Variants in COL9A1 observed in about 807,000 individuals in gnomAD.
COL9A1 encodes the protein collagen type IX alpha 1 chain.
COL9A1 carries 104 observed loss-of-function variants against 142.6 expected under a neutral mutation model. The observed-to-expected ratio is 0.73, with a 90% confidence interval of 0.62 to 0.86. The LOEUF (loss-of-function observed/expected upper bound fraction) is 0.86. Ranked by LOEUF, COL9A1 falls within the 40% of genes least tolerant of loss-of-function variation. The probability of loss-of-function intolerance (pLI) is 0.00; values close to 1 mark genes in which losing one functional copy is unlikely to be tolerated. For missense variants in COL9A1, 1,210 were observed against 1,176.6 expected (o/e 1.03, Z -0.42); for synonymous variants, 466 against 396.0 (o/e 1.18, Z -2.10).
chr6:70,220,401 T>C (rs1027491572), intron 37 of COL9A1, among the ~76,000 whole-genome samples: 246 of 151,562 alleles, frequency 1.6e-3, no homozygotes, highest in African/African-American at 5.8e-3. Context: ...TGTGTGTGTG[T>C]GTGTGTGTGT....
Position 70,281,329 on chromosome 6 carries a change from G to A in COL9A1, c.876+61C>T, listed in dbSNP as rs1773148817. ...AAAAAAAAAACCCCACAGGAGCCCT[G>A]GGAAAAGAATAGGAAAGGGCAGGAC... On this transcript the variant is annotated intron_variant, in intron 8 of 37. Transcript: ENST00000357250. 1.1e-5 allele frequency: 16 copies of A among 1,523,762 alleles called. No homozygotes were observed. The South Asian group carries it at 1.9e-4, about 18-fold the overall frequency. 94.4% of individuals were successfully genotyped at this position (1,523,762 alleles called of 1,614,324 possible). A position where few individuals can be genotyped will look rare whatever the true frequency, so the allele number is the denominator to read the frequency against.
intron 5 of COL9A1, among the ~76,000 whole-genome samples, chr6:70,289,143 C>A (rs1773562442): frequency 2.0e-5 from 3 of 152,056 alleles, no homozygotes; most frequent in Admixed American, 6.6e-5. Flanking sequence ...GGATTAGATG[C>A]AAAGTTTCCT....
At chr6:70,239,229 T>C in intron 33 of COL9A1, 25 bp downstream of exon 33, 1 of 1,448,266 alleles carries the variant, frequency 6.9e-7, no homozygotes, top group East Asian at 2.3e-5. Flanking sequence ...AATTTTTTTA[T>C]ACCATTACTA....
Position 70,216,831 on chromosome 6 carries a change from G to A in COL9A1, c.*66C>T. 6.5e-7 allele frequency: 1 copy of A among 1,547,676 alleles called. No homozygotes were observed. Among genetic ancestry groups the A allele is most frequent in the Non-Finnish European group, 8.9e-7 (1 of 1,122,570 alleles). ...ATCATCTTTGCCCCAGCTTTGGATG[G>A]TGTTTCTCACCCAGGCTCCTTCACC... On this transcript the variant is annotated 3_prime_UTR_variant, in exon 38 of 38. Coordinates refer to ENST00000357250, the MANE Select transcript of COL9A1 (RefSeq NM_001851.6).
intron 31 of COL9A1, among the ~76,000 whole-genome samples, 162 bp downstream of exon 31, chr6:70,241,257 C>T (rs1408677301): frequency 2.6e-5 from 4 of 152,150 alleles, no homozygotes; most frequent in South Asian, 2.1e-4. Context: ...AACAATGCTG[C>T]GGACCAAACT....
Position 70,274,782 on chromosome 6 carries a change from C to T in COL9A1, c.976-10G>A. The T allele has an allele frequency of 1.9e-6, 3 of 1,609,942 alleles. No individual in the cohort carries two copies. Among genetic ancestry groups the T allele is most frequent in the South Asian group, 1.1e-5 (1 of 91,000 alleles). On this transcript the variant is annotated splice_polypyrimidine_tract_variant and intron_variant, in intron 10 of 37. Transcript: ENST00000357250. ...CAGGTCCTGTTAATCCCTAATAGAGCAAGACAATGATGTTAGAACTATCAT... is the reference window on the plus strand; with the variant it reads ...CAGGTCCTGTTAATCCCTAATAGAGTAAGACAATGATGTTAGAACTATCAT...
chr6:70,216,689 C>T lies in COL9A1; in HGVS notation c.*208G>A, dbSNP rs1467861661. 8 of 595,924 alleles carry T rather than the reference C, an allele frequency of 1.3e-5. No individual in the cohort carries two copies. Among genetic ancestry groups the T allele is most frequent in the Non-Finnish European group, 2.4e-5 (8 of 334,180 alleles). The allele number at this position is 595,924 out of a possible 1,614,324, so 36.9% of individuals were successfully genotyped here. A position where few individuals can be genotyped will look rare whatever the true frequency, so the allele number is the denominator to read the frequency against. On this transcript the variant is annotated 3_prime_UTR_variant, in exon 38 of 38. Transcript: ENST00000357250. Reference sequence around the variant, plus strand: ...TTTTAACTGATGACTCTGCTGTCTTCCCTCCAAGGGAAAGGAAAGAGAACT... The same window carrying T: ...TTTTAACTGATGACTCTGCTGTCTTTCCTCCAAGGGAAAGGAAAGAGAACT...
At position 70,253,373 on chromosome 6, in the gene COL9A1, A is replaced by T; in HGVS notation, c.1764+12T>A. ...TAAGAAAGATATTAACTTAAATTTTAAAATATTTTACCTTTTCACCAGCAA... is the reference window on the plus strand; with the variant it reads ...TAAGAAAGATATTAACTTAAATTTTTAAATATTTTACCTTTTCACCAGCAA... On this transcript the variant is annotated intron_variant, in intron 26 of 37. Transcript: ENST00000357250. The T allele has an allele frequency of 6.4e-7, 1 of 1,562,094 alleles. No homozygotes were observed. The highest frequency in any genetic ancestry group is 1.1e-5 in the South Asian group (1 of 87,538).
chr6:70,238,975 C>T lies in COL9A1; in HGVS notation c.2112+279G>A, dbSNP rs111449945. Among the ~76,000 whole-genome samples, 23 of 152,198 alleles carry T rather than the reference C, an allele frequency of 1.5e-4. 1 individual carries two copies. Among genetic ancestry groups the T allele is most frequent in the African/African-American group, 5.3e-4 (22 of 41,534 alleles). On this transcript the variant is annotated intron_variant, in intron 33 of 37. Transcript: ENST00000357250. ...CCAACATGGTGAAACCCCATCTCTA[C>T]TAAAAATACAAAAATTAGCCGGGCA...
At chr6:70,237,330 C>G (rs544903057) in intron 33 of COL9A1, among the ~76,000 whole-genome samples, 2 of 152,322 alleles carry the variant, frequency 1.3e-5, no homozygotes, top group African/African-American at 4.8e-5. Context: ...AAAAATTCCT[C>G]AACTGAGGAG....
Position 70,243,534 on chromosome 6 carries a change from A to AT in COL9A1, c.1873-820dup, listed in dbSNP as rs111666460. Among the ~76,000 whole-genome samples the AT allele has an allele frequency of 2.9e-3, 438 of 148,836 alleles. 2 individuals carry two copies. The highest frequency in any genetic ancestry group is 8.3e-3 in the African/African-American group (339 of 40,794). On this transcript the variant is annotated intron_variant, in intron 28 of 37. Transcript: ENST00000357250. Reference sequence around the variant, plus strand: ...TGACAAAAGTTCATTTTATTTCCTAATTTTTTTTTTTGAGACGGAGTCTTT... The same window carrying AT: ...TGACAAAAGTTCATTTTATTTCCTAATTTTTTTTTTTTGAGACGGAGTCTTT...
At chr6:70,220,167 T>C (rs1040123635) in intron 37 of COL9A1, among the ~76,000 whole-genome samples, 1 of 151,030 alleles carries the variant, frequency 6.6e-6, no homozygotes, top group African/African-American at 2.5e-5. Flanking sequence ...ATCATCATCA[T>C]CACCACAAAT....
At chr6:70,299,682 C>T (rs1262945593) in intron 4 of COL9A1, among the ~76,000 whole-genome samples, 4 of 152,190 alleles carry the variant, frequency 2.6e-5, no homozygotes, top group Non-Finnish European at 4.4e-5. Context: ...AGTCTTCTAA[C>T]CACTCTGTGG....
intron 2 of COL9A1, among the ~76,000 whole-genome samples, chr6:70,301,403 C>T (rs1430414395): frequency 6.6e-6 from 1 of 152,068 alleles, no homozygotes; most frequent in Non-Finnish European, 1.5e-5. Flanking sequence ...TGGTGAAAGC[C>T]CGTCTCTACT....
intron 25 of COL9A1, among the ~76,000 whole-genome samples, chr6:70,254,177 C>G (rs1417672871): frequency 6.6e-6 from 1 of 152,108 alleles, no homozygotes; most frequent in Non-Finnish European, 1.5e-5. Context: ...TGAAATATAT[C>G]ACACTGGCCT....
intron 4 of COL9A1, among the ~76,000 whole-genome samples, chr6:70,296,036 C>T (rs545408722): frequency 6.6e-6 from 1 of 152,236 alleles, no homozygotes; most frequent in African/African-American, 2.4e-5. Flanking sequence ...TTGCTAAGAT[C>T]TTCTATCTTT....
Position 70,216,537 on chromosome 6 carries a change from C to A in COL9A1, c.*360G>T. Reference sequence around the variant, plus strand: ...ACTACTGCAACTGAGGTAAACCAAACAGTTGTTTTTGTTTATTGGCACAGT... The same window carrying A: ...ACTACTGCAACTGAGGTAAACCAAAAAGTTGTTTTTGTTTATTGGCACAGT... On this transcript the variant is annotated 3_prime_UTR_variant, in exon 38 of 38. Transcript: ENST00000357250. The A allele has an allele frequency of 8.3e-6, 2 of 241,472 alleles. No individual in the cohort carries two copies. The highest frequency in any genetic ancestry group is 1.3e-4 in the South Asian group (2 of 15,574). 15.0% of individuals were successfully genotyped at this position (241,472 alleles called of 1,614,324 possible).
At chr6:70,225,111 C>T (rs538633904) in intron 37 of COL9A1, among the ~76,000 whole-genome samples, 1 of 152,336 alleles carries the variant, frequency 6.6e-6, no homozygotes, top group South Asian at 2.1e-4. Flanking sequence ...TCCTCAGCAA[C>T]AGACCCCTAG....
rs1461660189 is a variant in COL9A1 at position 70,255,194 on chromosome 6, C to T, written c.1567G>A (p.Gly523Ser). 1.9e-6 allele frequency: 3 copies of T among 1,614,210 alleles called. No individual in the cohort carries two copies. The South Asian group carries it at 3.3e-5, about 18-fold the overall frequency. The change falls in exon 23 of 38, where the codon GGT (glycine) becomes AGT (serine). Residue 523 changes from glycine to serine, a missense_variant. Physicochemically the swap from Gly to Ser is moderately conservative, Grantham distance 56. Coordinates refer to ENST00000357250, the MANE Select transcript of COL9A1 (RefSeq NM_001851.6). ...AGPKGDRGAE[G>S]ARGIPGLPGP... Reference sequence around the variant, plus strand: ...GGGAGACCAGGAATTCCTCTAGCACCTTCAGCCCCCTGCAGGGAGGAAGAG... The same window carrying T: ...GGGAGACCAGGAATTCCTCTAGCACTTTCAGCCCCCTGCAGGGAGGAAGAG...
Sources: gnomAD v4.1 joint callset for allele counts (sites outside exome capture counted in the v4.1 genomes callset) on GRCh38, gnomAD v4.1.1 for gene constraint, MANE v1.5 for transcripts, NCBI Gene and HGNC (gene_info 2026-07-23, HGNC 2026-07-21) for gene names.